EPHB1: variants seen among roughly 807,000 people sequenced by gnomAD.
EPHB1 encodes the protein EPH receptor B1, also known as ephrin type-B receptor 1.
In EPHB1, 30 loss-of-function variants were observed where a neutral mutation model predicts 94.4. That is an observed-to-expected ratio of 0.32 (90% CI 0.24 to 0.43). The LOEUF (loss-of-function observed/expected upper bound fraction) is 0.43, where lower values mean the gene tolerates loss of function less well. EPHB1 is among the 20% of genes least tolerant of loss of function. The probability of loss-of-function intolerance (pLI) is 1.00; values close to 1 mark genes in which losing one functional copy is unlikely to be tolerated. For synonymous variants in EPHB1, 522 were observed against 489.1 expected (o/e 1.07, Z -0.89); for missense variants, 1,055 against 1,308.3 (o/e 0.81, Z 2.99).
At chr3:134,839,004 A>G (rs1406762033) in intron 1 of EPHB1, among the ~76,000 whole-genome samples, 1 of 152,248 alleles carries the variant, frequency 6.6e-6, no homozygotes, top group Non-Finnish European at 1.5e-5. Flanking sequence ...ATCAATTAAT[A>G]TTCAGGTAAA....
intron 1 of EPHB1, among the ~76,000 whole-genome samples, chr3:134,860,198 C>A (rs1168417030): frequency 6.6e-6 from 1 of 151,934 alleles, no homozygotes; most frequent in Non-Finnish European, 1.5e-5. Flanking sequence ...CACACACACT[C>A]TGGGAAAGGG....
intron 3 of EPHB1, among the ~76,000 whole-genome samples, chr3:134,992,284 C>T (rs1055107945): frequency 1.3e-5 from 2 of 152,064 alleles, no homozygotes; most frequent in African/African-American, 4.8e-5. Flanking sequence ...AGTCTGTTTT[C>T]AGGGCCCTGC....
intron 9 of EPHB1, among the ~76,000 whole-genome samples, chr3:135,171,022 A>G (rs1941788835): frequency 1.3e-5 from 2 of 152,318 alleles, no homozygotes; most frequent in African/African-American, 4.8e-5. Context: ...TAGTTTTCAC[A>G]TAGGGTAAGA....
intron 1 of EPHB1, among the ~76,000 whole-genome samples, chr3:134,883,489 G>T (rs2108312829): frequency 6.6e-6 from 1 of 152,300 alleles, no homozygotes; most frequent in Admixed American, 6.5e-5. Flanking sequence ...TCGAGAACTG[G>T]ATTCAAAGGT....
intron 15 of EPHB1, among the ~76,000 whole-genome samples, chr3:135,255,170 GATTC>G (rs1354006470): frequency 6.6e-6 from 1 of 151,828 alleles, no homozygotes; most frequent in Non-Finnish European, 1.5e-5. Flanking sequence ...CCAGCTCCTG[GATTC>G]ATTAATTTTT....
intron 11 of EPHB1, among the ~76,000 whole-genome samples, chr3:135,193,774 C>T (rs1400609462): frequency 6.6e-6 from 1 of 152,226 alleles, no homozygotes; most frequent in Non-Finnish European, 1.5e-5. Flanking sequence ...ATTCTGGATG[C>T]TGTGCCTATA....
At chr3:134,888,703 T>A (rs2037906347) in intron 1 of EPHB1, among the ~76,000 whole-genome samples, 1 of 104,936 alleles carries the variant, frequency 9.5e-6, no homozygotes. Context: ...TGAGACTCCA[T>A]CTCAAAAAAA....
intron 2 of EPHB1, among the ~76,000 whole-genome samples, chr3:134,929,591 C>T (rs950728133): frequency 3.9e-5 from 6 of 152,174 alleles, no homozygotes; most frequent in African/African-American, 1.2e-4. Flanking sequence ...TATTTCATGA[C>T]ATATACCCCA....
intron 9 of EPHB1, among the ~76,000 whole-genome samples, chr3:135,176,056 C>A (rs762855176): frequency 6.6e-6 from 1 of 152,050 alleles, no homozygotes. Context: ...TTCCCCTCAT[C>A]ATCTTCTAAG....
At chr3:135,248,131 A>C (rs1428047261) in intron 13 of EPHB1, among the ~76,000 whole-genome samples, 185 bp from the exon 14 acceptor site, 1 of 152,206 alleles carries the variant, frequency 6.6e-6, no homozygotes, top group Non-Finnish European at 1.5e-5. Context: ...GCTTTCTAGG[A>C]GCCCAATGTC....
chr3:134,851,510 C>T (rs1343376253), intron 1 of EPHB1, among the ~76,000 whole-genome samples: 3 of 152,134 alleles, frequency 2.0e-5, no homozygotes, highest in African/African-American at 4.8e-5. Context: ...TGTAGCCACC[C>T]GTATGCACTT....
intron 3 of EPHB1, among the ~76,000 whole-genome samples, chr3:135,099,118 AT>A (rs1354212594): frequency 2.0e-5 from 3 of 150,588 alleles, no homozygotes; most frequent in African/African-American, 7.3e-5. Flanking sequence ...TGTTATTATT[AT>A]TATCATCACA....
chr3:135,181,492 C>T (rs1409873522), intron 10 of EPHB1, among the ~76,000 whole-genome samples: 2 of 152,198 alleles, frequency 1.3e-5, no homozygotes, highest in Non-Finnish European at 2.9e-5. Context: ...CAGATTTCTC[C>T]AGTAAACATC....
intron 5 of EPHB1, among the ~76,000 whole-genome samples, chr3:135,139,230 G>A (rs930482923): frequency 1.3e-5 from 2 of 152,120 alleles, no homozygotes; most frequent in African/African-American, 2.4e-5. Flanking sequence ...CATGTAATCT[G>A]GAGTCTTCCT....
chr3:135,080,748 G>A (rs1211853981), intron 3 of EPHB1, among the ~76,000 whole-genome samples: 1 of 152,136 alleles, frequency 6.6e-6, no homozygotes, highest in Non-Finnish European at 1.5e-5. Flanking sequence ...CCTCTCTGTA[G>A]CTTGGGTCCT....
chr3:135,256,856 A>G (rs1476823439), intron 15 of EPHB1, among the ~76,000 whole-genome samples: 3 of 150,966 alleles, frequency 2.0e-5, no homozygotes, highest in Non-Finnish European at 4.4e-5. Flanking sequence ...AGGTACACCA[A>G]TCAGACGTAG....
intron 3 of EPHB1, among the ~76,000 whole-genome samples, chr3:134,956,284 T>A (rs576151004): frequency 6.6e-6 from 1 of 152,188 alleles, no homozygotes; most frequent in South Asian, 2.1e-4. Flanking sequence ...ACTATGCATA[T>A]GTGGATCTGT....
At chr3:134,911,460 T>G (rs2107694661) in intron 1 of EPHB1, among the ~76,000 whole-genome samples, 1 of 151,888 alleles carries the variant, frequency 6.6e-6, no homozygotes, top group East Asian at 1.9e-4. Flanking sequence ...CTGGAGGGAT[T>G]TGGTGGGGTG....
At chr3:134,844,149 T>C (rs190313695) in intron 1 of EPHB1, among the ~76,000 whole-genome samples, 144 of 152,346 alleles carry the variant, frequency 9.5e-4, no homozygotes, top group Non-Finnish European at 1.6e-3. Context: ...GGTTCAGATT[T>C]TAGCTTTAAT....
Sources: gnomAD v4.1 joint callset for allele counts (sites outside exome capture counted in the v4.1 genomes callset) on GRCh38, gnomAD v4.1.1 for gene constraint, MANE v1.5 for transcripts, NCBI Gene and HGNC (gene_info 2026-07-23, HGNC 2026-07-21) for gene names.